The following NKAIN3 variants were observed in gnomAD, a reference collection of about 807,000 sequenced individuals.
NKAIN3 encodes the protein sodium/potassium transporting ATPase interacting 3, also known as sodium/potassium-transporting ATPase subunit beta-1-interacting protein 3.
NKAIN3 carries 25 observed loss-of-function variants against 30.2 expected under a neutral mutation model. That is an observed-to-expected ratio of 0.83 (90% CI 0.60 to 1.16). The LOEUF (loss-of-function observed/expected upper bound fraction) is 1.16, where lower values mean the gene tolerates loss of function less well. NKAIN3 is among the 50% of genes most tolerant of loss of function. NKAIN3 has a pLI of 0.00. For synonymous variants in NKAIN3, 91 were observed against 89.6 expected (o/e 1.02, Z -0.09); for missense variants, 225 against 254.1 (o/e 0.89, Z 0.78).
At chr8:62,953,222 A>C (rs1294266990) in intron 5 of NKAIN3, among the ~76,000 whole-genome samples, 1 of 152,212 alleles carries the variant, frequency 6.6e-6, no homozygotes. Flanking sequence ...ATGCAACCAA[A>C]GCTTGGTTTA....
chr8:62,903,333 G>A (rs530028115), intron 4 of NKAIN3, among the ~76,000 whole-genome samples: 3 of 152,110 alleles, frequency 2.0e-5, no homozygotes, highest in Non-Finnish European at 4.4e-5. Flanking sequence ...ATTCCTGAAG[G>A]AACAGTAGGA....
chr8:62,700,479 G>A (rs1814297659), intron 3 of NKAIN3, among the ~76,000 whole-genome samples: 1 of 152,168 alleles, frequency 6.6e-6, no homozygotes, highest in Non-Finnish European at 1.5e-5. Flanking sequence ...ATGTGGAAGT[G>A]TCTTATGAAC....
At chr8:62,292,195 C>A (rs1347034802) in intron 1 of NKAIN3, among the ~76,000 whole-genome samples, 2 of 152,036 alleles carry the variant, frequency 1.3e-5, no homozygotes, top group Non-Finnish European at 2.9e-5. Flanking sequence ...ATCCAATTTG[C>A]CAGTCTGTGT....
chr8:62,320,881 C>T (rs915542983), intron 1 of NKAIN3, among the ~76,000 whole-genome samples: 18 of 152,262 alleles, frequency 1.2e-4, no homozygotes, highest in East Asian at 5.8e-4. Flanking sequence ...TGTTGGCCTG[C>T]CTTGCTAGAT....
chr8:62,962,661 G>C (rs1032449534), intron 6 of NKAIN3, among the ~76,000 whole-genome samples: 4 of 152,104 alleles, frequency 2.6e-5, no homozygotes, highest in Admixed American at 2.0e-4. Flanking sequence ...AACCACTACT[G>C]TCTCCAGATA....
chr8:62,511,514 T>C (rs1411214615), intron 1 of NKAIN3, among the ~76,000 whole-genome samples: 1 of 152,186 alleles, frequency 6.6e-6, no homozygotes, highest in Non-Finnish European at 1.5e-5. Flanking sequence ...TTCTAAACAA[T>C]AGTGGTGTGA....
intron 1 of NKAIN3, among the ~76,000 whole-genome samples, chr8:62,511,905 T>G (rs1410108353): frequency 2.6e-5 from 4 of 152,200 alleles, no homozygotes; most frequent in African/African-American, 9.6e-5. Flanking sequence ...ATTGTGTTTG[T>G]CATTATTTAT....
chr8:62,504,069 C>T (rs1340025000), intron 1 of NKAIN3, among the ~76,000 whole-genome samples: 1 of 152,190 alleles, frequency 6.6e-6, no homozygotes, highest in Non-Finnish European at 1.5e-5. Context: ...CCAGCCGGTC[C>T]CTCCATCCGG....
At chr8:62,537,694 A>T (rs779255571) in intron 1 of NKAIN3, among the ~76,000 whole-genome samples, 1 of 152,074 alleles carries the variant, frequency 6.6e-6, no homozygotes, top group African/African-American at 2.4e-5. Context: ...ATTTTTGAGC[A>T]CTAATGTGTA....
At chr8:62,460,271 G>A (rs535384461) in intron 1 of NKAIN3, among the ~76,000 whole-genome samples, 1 of 152,010 alleles carries the variant, frequency 6.6e-6, no homozygotes, top group African/African-American at 2.4e-5. Context: ...AATTAGCCGG[G>A]TGTGGTGGCA....
chr8:62,484,169 C>T (rs1002634280), intron 1 of NKAIN3, among the ~76,000 whole-genome samples: 1 of 152,182 alleles, frequency 6.6e-6, no homozygotes, highest in Non-Finnish European at 1.5e-5. Context: ...ATGGGTTCCT[C>T]CTGTTTTCCT....
At chr8:62,437,643 A>G (rs1009627858) in intron 1 of NKAIN3, among the ~76,000 whole-genome samples, 3 of 152,204 alleles carry the variant, frequency 2.0e-5, no homozygotes, top group Admixed American at 1.3e-4. Flanking sequence ...AGAATTATTC[A>G]GGTAATGCTT....
intron 2 of NKAIN3, 141 bp from the exon 3 acceptor site, chr8:62,589,573 G>C: frequency 4.2e-6 from 2 of 477,078 alleles, no homozygotes; most frequent in Non-Finnish European, 7.6e-6. Context: ...GGACCACATA[G>C]AGAGCACTCT....
At chr8:62,720,893 T>C (rs1815067741) in intron 3 of NKAIN3, among the ~76,000 whole-genome samples, 1 of 152,188 alleles carries the variant, frequency 6.6e-6, no homozygotes, top group Admixed American at 6.5e-5. Flanking sequence ...AACTGTACTT[T>C]GGAGTTTTTG....
At chr8:62,708,160 A>G (rs56779974) in intron 3 of NKAIN3, among the ~76,000 whole-genome samples, 4,160 of 152,260 alleles carry the variant, frequency 0.027, 198 homozygotes, top group African/African-American at 0.094. Context: ...AGGTAGTGTG[A>G]TGCCTCCAGA....
chr8:62,919,475 G>A (rs1822212323), intron 5 of NKAIN3, among the ~76,000 whole-genome samples: 1 of 151,702 alleles, frequency 6.6e-6, no homozygotes, highest in South Asian at 2.1e-4. Flanking sequence ...TCGATCTCCT[G>A]ACCTCGTGAT....
chr8:62,883,201 G>T (rs1374929954), intron 4 of NKAIN3, among the ~76,000 whole-genome samples: 1 of 152,016 alleles, frequency 6.6e-6, no homozygotes, highest in African/African-American at 2.4e-5. Flanking sequence ...AACATGAGGT[G>T]TGTCTTCTAT....
At chr8:62,477,337 A>T (rs1427802418) in intron 1 of NKAIN3, among the ~76,000 whole-genome samples, 1 of 133,570 alleles carries the variant, frequency 7.5e-6, no homozygotes, top group African/African-American at 2.7e-5. Context: ...TCTATTTTGC[A>T]CTGGCAGTAA....
intron 3 of NKAIN3, among the ~76,000 whole-genome samples, chr8:62,745,327 C>T (rs575496258): frequency 6.9e-4 from 105 of 152,326 alleles, no homozygotes; most frequent in African/African-American, 2.5e-3. Context: ...AAGTCACGTA[C>T]GGACCCTGCT....
Sources: allele counts gnomAD v4.1 joint callset (sites outside exome capture counted in the v4.1 genomes callset), GRCh38; gene constraint gnomAD v4.1.1; transcripts MANE v1.5; gene names NCBI Gene and HGNC (gene_info 2026-07-23, HGNC 2026-07-21).